ME3: variants seen among roughly 807,000 people sequenced by gnomAD.
ME3 encodes malic enzyme 3, also known as NADP-dependent malic enzyme, mitochondrial.
Under a neutral mutation model 68.9 loss-of-function variants are expected in ME3, and 48 were observed. The observed-to-expected ratio is 0.70, with a 90% confidence interval of 0.55 to 0.89. ME3 has a LOEUF of 0.89. ME3 is among the 40% of genes least tolerant of loss of function. The pLI is 0.00. For missense variants in ME3, 675 were observed against 797.4 expected (o/e 0.85, Z 1.85); for synonymous variants, 320 against 318.8 (o/e 1.00, Z -0.04).
chr11:86,642,117 A>G (rs1467775750), intron 2 of ME3, among the ~76,000 whole-genome samples: 1 of 152,268 alleles, frequency 6.6e-6, no homozygotes, highest in African/African-American at 2.4e-5. Flanking sequence ...TTCATGTTGC[A>G]TGAACTCCAA....
chr11:86,546,886 A>G (rs963191925), intron 4 of ME3, among the ~76,000 whole-genome samples: 3 of 151,784 alleles, frequency 2.0e-5, no homozygotes, highest in Non-Finnish European at 4.4e-5. Context: ...CTGCAGCACT[A>G]TTCACTATAG....
chr11:86,498,091 C>G (rs1333855681), exon 6 of ME3: 1 of 1,613,174 alleles, frequency 6.2e-7, no homozygotes, highest in Non-Finnish European at 8.5e-7. Flanking sequence ...TCTCCCAGGC[C>G]CAGGATGCGC....
intron 2 of ME3, among the ~76,000 whole-genome samples, chr11:86,649,810 G>A (rs910274104): frequency 2.0e-5 from 3 of 152,076 alleles, no homozygotes; most frequent in Non-Finnish European, 4.4e-5. Flanking sequence ...AAATCAGAGA[G>A]GACACAAACA....
At chr11:86,587,077 G>A (rs913806909) in intron 2 of ME3, among the ~76,000 whole-genome samples, 13 of 152,320 alleles carry the variant, frequency 8.5e-5, no homozygotes, top group East Asian at 5.8e-4. Flanking sequence ...GGGTTACAAA[G>A]GAGGTAGATG....
chr11:86,494,548 G>A (rs970138381), intron 6 of ME3, among the ~76,000 whole-genome samples: 1 of 152,154 alleles, frequency 6.6e-6, no homozygotes, highest in African/African-American at 2.4e-5. Context: ...ATCAGGGCAT[G>A]TTCCCTCCTC....
chr11:86,595,320 G>GAGAGAGAGAGAGAGAGAC (rs140478684), intron 2 of ME3, among the ~76,000 whole-genome samples: 1,514 of 138,590 alleles, frequency 0.011, 122 homozygotes, highest in Middle Eastern at 0.03. Context: ...GAGAGAGAGA[G>GAGAGAGAGAGAGAGAGAC]AGAGAGAGAG....
At chr11:86,666,286 T>C (rs918935865) in intron 2 of ME3, among the ~76,000 whole-genome samples, 1 of 152,218 alleles carries the variant, frequency 6.6e-6, no homozygotes, top group African/African-American at 2.4e-5. Flanking sequence ...AATTGGCTTC[T>C]GCGTGGAATT....
At chr11:86,564,379 T>C (rs955119772) in intron 2 of ME3, among the ~76,000 whole-genome samples, 1 of 151,544 alleles carries the variant, frequency 6.6e-6, no homozygotes, top group African/African-American at 2.4e-5. Flanking sequence ...AGTTTTCAAA[T>C]TCACATGGAC....
chr11:86,570,615 A>C (rs1160273890), intron 2 of ME3, among the ~76,000 whole-genome samples: 1 of 152,192 alleles, frequency 6.6e-6, no homozygotes, highest in Non-Finnish European at 1.5e-5. Context: ...GATCAGGTGC[A>C]ACATTACAGA....
intron 2 of ME3, among the ~76,000 whole-genome samples, chr11:86,590,685 G>T (rs1959003542): frequency 6.6e-6 from 1 of 152,286 alleles, no homozygotes; most frequent in South Asian, 2.1e-4. Flanking sequence ...AGACCAGAAT[G>T]ACATGGGTCC....
chr11:86,607,386 C>T (rs554140879), intron 2 of ME3, among the ~76,000 whole-genome samples: 1 of 151,754 alleles, frequency 6.6e-6, no homozygotes, highest in Non-Finnish European at 1.5e-5. Flanking sequence ...CCACCATACT[C>T]ATTGGTGGTC....
intron 2 of ME3, among the ~76,000 whole-genome samples, chr11:86,560,748 G>GTATATATATATATATATATATATATATA (rs142056305): frequency 1.6e-4 from 10 of 62,502 alleles, no homozygotes; most frequent in African/African-American, 3.6e-4. Flanking sequence ...GTGTGTGTGT[G>GTATATATATATATATATATATATATATA]TATATATATA....
intron 2 of ME3, among the ~76,000 whole-genome samples, chr11:86,661,346 T>C (rs1041277967): frequency 6.6e-6 from 1 of 152,190 alleles, no homozygotes; most frequent in Non-Finnish European, 1.5e-5. Flanking sequence ...AGTTTTTAAG[T>C]GGATCCGGTA....
chr11:86,604,235 A>T (rs1961259123), intron 2 of ME3, among the ~76,000 whole-genome samples: 2 of 152,022 alleles, frequency 1.3e-5, no homozygotes, highest in South Asian at 4.2e-4. Context: ...AATGTTTCTT[A>T]TTAGGTTTAA....
intron 2 of ME3, chr11:86,668,310 G>A (rs1446826214): frequency 6.6e-6 from 1 of 152,130 alleles, no homozygotes; most frequent in Non-Finnish European, 1.5e-5. Flanking sequence ...ACAATCCACA[G>A]TAAAAATAGT....
chr11:86,453,389 G>A (rs895490039), intron 8 of ME3, among the ~76,000 whole-genome samples: 3 of 152,158 alleles, frequency 2.0e-5, no homozygotes, highest in African/African-American at 7.2e-5. Context: ...ACCAATTATT[G>A]GGTAATTGTT....
intron 8 of ME3, among the ~76,000 whole-genome samples, chr11:86,457,082 C>G (rs1030968647): frequency 1.3e-5 from 2 of 152,202 alleles, no homozygotes; most frequent in African/African-American, 4.8e-5. Flanking sequence ...TAAAGCACCA[C>G]TTGTCTAATG....
intron 2 of ME3, among the ~76,000 whole-genome samples, chr11:86,665,697 G>A (rs507211): frequency 0.27 from 41,504 of 152,098 alleles, 5,765 homozygotes; most frequent in East Asian, 0.36. Context: ...CCAGCCAGGA[G>A]GCTGCTGCAG....
Position 86,635,047 on chromosome 11 carries a change from G to A in ME3, c.183+36715C>T, listed in dbSNP as rs886176431. Among the ~76,000 whole-genome samples the A allele has an allele frequency of 2.6e-5, 4 of 152,344 alleles. No homozygotes were observed. In the East Asian group the frequency reaches 7.7e-4, roughly 29 times the overall value. ...AGGCTAGACACGCTGGTTCACACCT[G>A]TAATCCCAGAACTTTGGGAGGCCAA... On this transcript the variant is annotated intron_variant, in intron 2 of 14. Coordinates refer to ENST00000543262, the Ensembl canonical transcript of ME3.
Sources: allele counts gnomAD v4.1 joint callset (sites outside exome capture counted in the v4.1 genomes callset), GRCh38; gene constraint gnomAD v4.1.1; transcripts MANE v1.5; gene names NCBI Gene and HGNC (gene_info 2026-07-23, HGNC 2026-07-21).